The following DDX27 variants were observed in gnomAD, a reference collection of about 807,000 sequenced individuals.
The protein encoded by DDX27 is probable ATP-dependent RNA helicase DDX27.
DDX27 carries 42 observed loss-of-function variants against 99.3 expected under a neutral mutation model. That is an observed-to-expected ratio of 0.42 (90% CI 0.33 to 0.55). The LOEUF is 0.55. Ranked by LOEUF, DDX27 falls within the 20% of genes least tolerant of loss-of-function variation. The probability of loss-of-function intolerance (pLI) is 0.07; values close to 1 mark genes in which losing one functional copy is unlikely to be tolerated. For synonymous variants in DDX27, 329 were observed against 353.8 expected (o/e 0.93, Z 0.79); for missense variants, 798 against 976.8 (o/e 0.82, Z 2.44).
chr20:49,242,058 A>T, intron 17 of DDX27, 25 bp from the exon 18 acceptor site: 2 of 1,614,068 alleles, frequency 1.2e-6, no homozygotes, highest in South Asian at 2.2e-5. Context: ...TGTGTTCCAC[A>T]CTCACACCTC....
intron 4 of DDX27, 93 bp downstream of exon 4, chr20:49,223,526 GTTTAT>G: frequency 3.5e-6 from 4 of 1,153,540 alleles, no homozygotes; most frequent in Non-Finnish European, 4.8e-6. Context: ...CTTCTGCACA[GTTTAT>G]CTTTAAGCTG....
chr20:49,223,242 C>T (rs1211635883), intron 3 of DDX27, 26 bp from the exon 4 acceptor site: 1 of 1,595,098 alleles, frequency 6.3e-7, no homozygotes, highest in Admixed American at 1.8e-5. Context: ...AGTTTCTCAT[C>T]ACCCTCACTT....
In DDX27 at chr20:49,219,640, CCCGGAAGTTTCCCGAAAAGGATCTCA is replaced by C. The variant is rs1212888638; in HGVS notation, c.93+104_93+129del. The stretch of plus-strand genomic sequence containing the variant: ...CGAATCCTCATCATCCCCTGCCAGC[CCCGGAAGTTTCCCGAAAAGGATCTCA>C]CCGGGACCCCAAGATCTTCCTCAGT... On this transcript the variant is annotated intron_variant, in intron 1 of 20. Coordinates refer to ENST00000618172, the MANE Select transcript of DDX27 (RefSeq NM_017895.8). The C allele has an allele frequency of 9.8e-5, 128 of 1,307,986 alleles. No homozygotes were observed. In the African/African-American group the frequency reaches 1.7e-3, roughly 17 times the overall value. 81.0% of individuals were successfully genotyped at this position (1,307,986 alleles called of 1,614,324 possible). A position where few individuals can be genotyped will look rare whatever the true frequency, so the allele number is the denominator to read the frequency against.
chr20:49,233,422 C>T lies in DDX27; in HGVS notation c.1131+17C>T. The T allele has an allele frequency of 6.2e-7, 1 of 1,613,100 alleles. No homozygotes were observed. Among genetic ancestry groups the T allele is most frequent in the Non-Finnish European group, 8.5e-7 (1 of 1,179,566 alleles). On this transcript the variant is annotated intron_variant, in intron 10 of 20. Transcript: ENST00000618172. Reference sequence around the variant, plus strand: ...ACAGACGAGGTGGGCCGAGGGACTTCTCTGTGGCGGGTGGCAGGTGTGCCC... The same window carrying T: ...ACAGACGAGGTGGGCCGAGGGACTTTTCTGTGGCGGGTGGCAGGTGTGCCC...
intron 6 of DDX27, 74 bp from the exon 7 acceptor site, chr20:49,226,356 G>A (rs1979885584): frequency 8.5e-7 from 1 of 1,180,990 alleles, no homozygotes; most frequent in Admixed American, 2.2e-5. Context: ...CACTTGTCTG[G>A]AAACCTGCCC....
chr20:49,228,912 C>T (rs1419853460), intron 8 of DDX27, 24 bp downstream of exon 8: 4 of 1,564,334 alleles, frequency 2.6e-6, no homozygotes, highest in Non-Finnish European at 3.5e-6. Flanking sequence ...CAAGGGCTGC[C>T]AGCCCCTGAG....
intron 19 of DDX27, among the ~76,000 whole-genome samples, chr20:49,242,961 C>G (rs2146722498): frequency 6.6e-6 from 1 of 152,194 alleles, no homozygotes; most frequent in Admixed American, 6.5e-5. Flanking sequence ...ACCTCCTGAT[C>G]CACCCGCCTC....
rs1228041362 is a variant in DDX27 at position 49,224,831 on chromosome 20, G to A, written c.467-114G>A. The A allele has an allele frequency of 1.2e-5, 14 of 1,133,134 alleles. No individual in the cohort carries two copies. In the East Asian group the frequency reaches 2.6e-4, roughly 21 times the overall value. The allele number at this position is 1,133,134 out of a possible 1,614,324, so 70.2% of individuals were successfully genotyped here. A position where few individuals can be genotyped will look rare whatever the true frequency, so the allele number is the denominator to read the frequency against. ...TCCTCATCTGTGAAACAAGGTTGACGATGGTCACCCCTCAGAGGCTGAAGT... is the reference window on the plus strand; with the variant it reads ...TCCTCATCTGTGAAACAAGGTTGACAATGGTCACCCCTCAGAGGCTGAAGT... On this transcript the variant is annotated intron_variant, in intron 4 of 20. Coordinates refer to ENST00000618172, the MANE Select transcript of DDX27 (RefSeq NM_017895.8).
rs1162398734 is a variant in DDX27 at position 49,228,841 on chromosome 20, C to T, written c.833C>T (p.Thr278Ile). ...RELGIQVHSV[T>I]RQLAQFCNIT... ...CTGGGCATCCAGGTGCACTCTGTCA[C>T]CAGACAGCTGGCCCAGTTCTGCAAC... Residue 278 changes from threonine to isoleucine, a missense_variant, in exon 8 of 21, where the codon ACC becomes ATC. Thr to Ile is a moderately conservative substitution (Grantham distance 89, BLOSUM62 -1). Coordinates refer to ENST00000618172, the MANE Select transcript of DDX27 (RefSeq NM_017895.8). 2.5e-6 allele frequency: 4 copies of T among 1,611,036 alleles called. No individual in the cohort carries two copies. The African/African-American group carries it at 4.0e-5, about 16-fold the overall frequency.
chr20:49,224,896 G>C, intron 4 of DDX27, 49 bp from the exon 5 acceptor site: 1 of 1,607,734 alleles, frequency 6.2e-7, no homozygotes, highest in Non-Finnish European at 8.5e-7. Context: ...CAGGATGCAA[G>C]TGCTTTGTAA....
Position 49,236,037 on chromosome 20 carries a change from C to G in DDX27, c.1428-113C>G. 1 of 1,046,230 alleles carries G rather than the reference C, an allele frequency of 9.6e-7. No individual in the cohort carries two copies. Among genetic ancestry groups the G allele is most frequent in the Admixed American group, 2.6e-5 (1 of 38,604 alleles). 64.8% of individuals were successfully genotyped at this position (1,046,230 alleles called of 1,614,324 possible). A position where few individuals can be genotyped will look rare whatever the true frequency, so the allele number is the denominator to read the frequency against. On this transcript the variant is annotated intron_variant, in intron 12 of 20. Coordinates refer to ENST00000618172, the MANE Select transcript of DDX27 (RefSeq NM_017895.8). The surrounding 1 kb of genome is among the most constrained non-coding windows in gnomAD (Gnocchi z 4.1). ...GGATTACAGGCGTGAGCCACCGTGCCCAGCCTCTATCCCCATTTTAATGCC... is the reference window on the plus strand; with the variant it reads ...GGATTACAGGCGTGAGCCACCGTGCGCAGCCTCTATCCCCATTTTAATGCC...
intron 7 of DDX27, among the ~76,000 whole-genome samples, chr20:49,226,856 A>AATTTTT (rs1568972767): frequency 3.5e-5 from 1 of 28,434 alleles, no homozygotes. Flanking sequence ...AGAGTAAAGG[A>AATTTTT]CTTTTTTTTT....
In DDX27 at chr20:49,239,020, G is replaced by T. The variant is rs764085157; in HGVS notation, c.1759G>T (p.Ala587Ser). 1.9e-6 allele frequency: 3 copies of T among 1,614,140 alleles called. No homozygotes were observed. Among genetic ancestry groups the T allele is most frequent in the South Asian group, 2.2e-5 (2 of 91,078 alleles). The change falls in exon 15 of 21, where the codon GCG (alanine) becomes TCG (serine). Residue 587 changes from alanine to serine, a missense_variant. Physicochemically the swap from Ala to Ser is moderately conservative, Grantham distance 99. Around this residue, in one of 2 missense-constraint regions of DDX27, gnomAD observed 553 missense variants for 727.9 expected, o/e 0.76. Transcript: ENST00000618172. The stretch of plus-strand genomic sequence containing the variant: ...TGTGTATGCAGTTCTGCAGCTAGAG[G>T]CGGAGGAAAAAGAGATGCAGCAGTC... Reference protein sequence around the residue: ...KDVYAVLQLEAEEKEMQQSEA... With the variant: ...KDVYAVLQLESEEKEMQQSEA...
rs775076060 is a variant in DDX27 at position 49,242,073 on chromosome 20, C to T, written c.1993-10C>T. 2 of 1,614,216 alleles carry T rather than the reference C, an allele frequency of 1.2e-6. No individual in the cohort carries two copies. The highest frequency in any genetic ancestry group is 1.7e-5 in the Admixed American group (1 of 60,028). ...TGTGTTCCACACTCACACCTCCCCA[C>T]TCCCCCTAGGCAGAGGAAAGGTCTC... On this transcript the variant is annotated splice_polypyrimidine_tract_variant and intron_variant, in intron 17 of 20. Transcript: ENST00000618172.
intron 7 of DDX27, among the ~76,000 whole-genome samples, chr20:49,227,577 G>C (rs1012032325): frequency 6.6e-6 from 1 of 152,068 alleles, no homozygotes. Flanking sequence ...ATGTTGGCCA[G>C]GCTGGTCTCG....
At chr20:49,228,378 C>T (rs11906065) in intron 7 of DDX27, among the ~76,000 whole-genome samples, 13,436 of 152,052 alleles carry the variant, frequency 0.088, 728 homozygotes, top group African/African-American at 0.16. Context: ...TCAGGTGATT[C>T]GCCTGCCTTG....
At chr20:49,242,762 G>A (rs552196273) in intron 19 of DDX27, 81 bp downstream of exon 19, 91 of 1,266,788 alleles carry the variant, frequency 7.2e-5, no homozygotes, top group East Asian at 3.0e-4. Flanking sequence ...TCGCTCTGTC[G>A]CCCAGGGTGG....
At chr20:49,238,862 A>G in intron 14 of DDX27, 87 bp from the exon 15 acceptor site, 3 of 941,462 alleles carry the variant, frequency 3.2e-6, no homozygotes, top group Non-Finnish European at 3.3e-6. Context: ...CTCCCACCTC[A>G]ATCTCCCAGA....
chr20:49,224,880 G>A, intron 4 of DDX27, 65 bp from the exon 5 acceptor site: 1 of 1,581,082 alleles, frequency 6.3e-7, no homozygotes, highest in Non-Finnish European at 8.7e-7. Flanking sequence ...TTAGGACAGT[G>A]TCCAGCAGGA....
Sources: gnomAD v4.1 joint callset for allele counts (sites outside exome capture counted in the v4.1 genomes callset) on GRCh38, gnomAD v4.1.1 for gene constraint, gnomAD v4.1.1 regional missense constraint, Gnocchi (gnomAD v3.1) non-coding constraint, MANE v1.5 for transcripts, NCBI Gene and HGNC (gene_info 2026-07-23, HGNC 2026-07-21) for gene names.